DOCK8: variants seen among roughly 807,000 people sequenced by gnomAD.
DOCK8 encodes dedicator of cytokinesis 8.
DOCK8 carries 141 observed loss-of-function variants against 245.6 expected under a neutral mutation model. The observed-to-expected ratio is 0.57, with a 90% confidence interval of 0.50 to 0.66. DOCK8 has a LOEUF of 0.66. DOCK8 is among the 30% of genes least tolerant of loss of function. DOCK8 has a pLI of 0.00. For missense variants in DOCK8, 2,965 were observed against 2,603.4 expected (o/e 1.14, Z -3.02); for synonymous variants, 1,168 against 970.2 (o/e 1.20, Z -3.79).
At chr9:298,063 C>T (rs1028085298) in intron 4 of DOCK8, among the ~76,000 whole-genome samples, 1 of 152,130 alleles carries the variant, frequency 6.6e-6, no homozygotes, top group African/African-American at 2.4e-5. Flanking sequence ...CATTTGTGTA[C>T]AATAGCCAAA....
At chr9:460,808 G>A (rs1247242201) in intron 46 of DOCK8, among the ~76,000 whole-genome samples, 3 of 152,236 alleles carry the variant, frequency 2.0e-5, no homozygotes, top group Non-Finnish European at 4.4e-5. Context: ...CTGTCATCCT[G>A]AAAATGTGTT....
chr9:422,589 A>C (rs1026429025), intron 33 of DOCK8, among the ~76,000 whole-genome samples: 1 of 152,260 alleles, frequency 6.6e-6, no homozygotes, highest in Non-Finnish European at 1.5e-5. Flanking sequence ...CAGAATAGAA[A>C]AATATATTTA....
chr9:266,688 C>T (rs2048041166), intron 1 of DOCK8, among the ~76,000 whole-genome samples: 1 of 152,208 alleles, frequency 6.6e-6, no homozygotes, highest in Non-Finnish European at 1.5e-5. Flanking sequence ...TAGAGCTTCT[C>T]TACCCACTCC....
intron 2 of DOCK8, among the ~76,000 whole-genome samples, chr9:276,713 A>G (rs2048361265): frequency 6.6e-6 from 1 of 152,244 alleles, no homozygotes; most frequent in Non-Finnish European, 1.5e-5. Flanking sequence ...TAGATTAACC[A>G]GAGACCCTCT....
chr9:381,728 G>C (rs2053727619), intron 21 of DOCK8, among the ~76,000 whole-genome samples: 1 of 152,186 alleles, frequency 6.6e-6, no homozygotes, highest in Non-Finnish European at 1.5e-5. Context: ...GGGAGGCCAA[G>C]GTGAGCAGAT....
chr9:400,128 C>T (rs2054751635), intron 26 of DOCK8, among the ~76,000 whole-genome samples: 3 of 101,842 alleles, frequency 2.9e-5, no homozygotes, highest in Non-Finnish European at 5.6e-5. Flanking sequence ...CCAGCATCTT[C>T]ACCATCACCA....
intron 37 of DOCK8, among the ~76,000 whole-genome samples, chr9:432,628 G>A (rs7024679): frequency 6.6e-6 from 1 of 151,726 alleles, no homozygotes; most frequent in Admixed American, 6.6e-5. Context: ...AAATGCTATG[G>A]AAGGTTAGAG....
chr9:418,887 C>CA (rs138918368), intron 30 of DOCK8, among the ~76,000 whole-genome samples: 140 of 150,628 alleles, frequency 9.3e-4, no homozygotes, highest in African/African-American at 2.9e-3. Flanking sequence ...GTAATGCCTC[C>CA]AAAAAAAAAG....
chr9:373,268 G>A (rs2053378421), intron 18 of DOCK8, among the ~76,000 whole-genome samples: 1 of 152,098 alleles, frequency 6.6e-6, no homozygotes, highest in Non-Finnish European at 1.5e-5. Context: ...TCCTTGCATA[G>A]GTTTACATCA....
At position 342,612 on chromosome 9, in the gene DOCK8, G is replaced by C. The variant is rs1195370117; in HGVS notation, c.1679+2291G>C. ...AGCTGCCCGAGTAGCTGGGACTACA[G>C]GTGCCTGCCACCACACCCAGTTAAT... On this transcript the variant is annotated intron_variant, in intron 14 of 47. Coordinates refer to ENST00000432829, the MANE Select transcript of DOCK8 (RefSeq NM_203447.4). Among the ~76,000 whole-genome samples, 4 of 152,014 alleles carry C rather than the reference G, an allele frequency of 2.6e-5. No individual in the cohort carries two copies. In the South Asian group the frequency reaches 6.2e-4, roughly 24 times the overall value.
chr9:257,987 TACA>T lies in DOCK8; in HGVS notation c.54-13632_54-13630del, dbSNP rs2047820964. On this transcript the variant is annotated intron_variant, in intron 1 of 47. Coordinates refer to ENST00000432829, the MANE Select transcript of DOCK8 (RefSeq NM_203447.4). ...CTGCAATAGAGAGTGTGCATGAAAA[TACA>T]ACAACAATTACCTGATGGTCCTTAG... Among the ~76,000 whole-genome samples, 2 of 152,336 alleles carry T rather than the reference TACA, an allele frequency of 1.3e-5. 1 individual carries two copies.
intron 1 of DOCK8, among the ~76,000 whole-genome samples, chr9:250,582 A>G (rs2047621400): frequency 2.6e-5 from 4 of 152,152 alleles, no homozygotes; most frequent in Admixed American, 6.5e-5. Flanking sequence ...AGATTTGCTT[A>G]CCCGGAACCT....
intron 24 of DOCK8, among the ~76,000 whole-genome samples, chr9:391,144 T>C (rs1022054073): frequency 1.3e-5 from 2 of 152,152 alleles, no homozygotes; most frequent in African/African-American, 2.4e-5. Flanking sequence ...CTCTTCCTGC[T>C]CCCTAACTTT....
chr9:214,241 C>T, upstream of DOCK8: 2 of 457,316 alleles, frequency 4.4e-6, no homozygotes, highest in Non-Finnish European at 3.9e-6. Context: ...AACCTGGACG[C>T]AGCGTACCCT....
chr9:357,571 TAAACAATTTGATACCA>T (rs2052503522), intron 14 of DOCK8, among the ~76,000 whole-genome samples: 3 of 150,550 alleles, frequency 2.0e-5, no homozygotes, highest in Admixed American at 6.6e-5. Flanking sequence ...GTAGAGTTTT[TAAACAATTTGATACCA>T]TTTTTTTTTT....
At chr9:445,815 T>C (rs932394805) in intron 43 of DOCK8, among the ~76,000 whole-genome samples, 3 of 152,212 alleles carry the variant, frequency 2.0e-5, no homozygotes, top group Non-Finnish European at 4.4e-5. Context: ...ATTTCTCTCC[T>C]GTACACACAT....
chr9:289,649 C>G, intron 4 of DOCK8, 68 bp downstream of exon 4: 1 of 1,384,936 alleles, frequency 7.2e-7, no homozygotes, highest in Non-Finnish European at 1.0e-6. Context: ...TTAAATATTT[C>G]TTAATACTTT....
At chr9:327,993 T>G (rs769197157) in intron 8 of DOCK8, 29 bp from the exon 9 acceptor site, 2 of 1,608,902 alleles carry the variant, frequency 1.2e-6, no homozygotes, top group Admixed American at 3.3e-5. Flanking sequence ...CAGGTCTAAC[T>G]TATATTTCAC....
At chr9:345,393 G>A (rs1345044456) in intron 14 of DOCK8, among the ~76,000 whole-genome samples, 2 of 152,202 alleles carry the variant, frequency 1.3e-5, no homozygotes, top group Non-Finnish European at 2.9e-5. Context: ...CACTGAGAAA[G>A]CCAGGTTTGG....
Sources: gnomAD v4.1 joint callset for allele counts (sites outside exome capture counted in the v4.1 genomes callset) on GRCh38, gnomAD v4.1.1 for gene constraint, MANE v1.5 for transcripts, NCBI Gene and HGNC (gene_info 2026-07-23, HGNC 2026-07-21) for gene names.